Variants in POLI observed in about 807,000 individuals in gnomAD.
The protein encoded by POLI is RAD30 homolog B.
Under a neutral mutation model 51.6 loss-of-function variants are expected in POLI, and 58 were observed. The ratio of observed to expected loss-of-function variants is 1.12; its 90% CI spans 0.91 to 1.40. The LOEUF is 1.40. Among genes scored for constraint, POLI ranks in the 40% most tolerant of loss-of-function variants. POLI has a pLI of 0.00. For synonymous variants in POLI, 322 were observed against 299.7 expected, an observed-to-expected ratio of 1.07 and a Z score of -0.77; for missense variants, 921 against 871.3, an observed-to-expected ratio of 1.06 and a Z score of -0.72.
intron 3 of POLI, among the ~76,000 whole-genome samples, chr18:54,276,716 T>G (rs780187871): frequency 6.6e-6 from 1 of 152,222 alleles, no homozygotes; most frequent in Admixed American, 6.5e-5. Flanking sequence ...AGGAGTGATT[T>G]TTGGTGTTTG....
At chr18:54,311,132 C>T (rs1218606692) in intron 3 of POLI, 3 of 979,944 alleles carry the variant, frequency 3.1e-6, no homozygotes, top group African/African-American at 1.8e-5. Context: ...TGCCACCCTG[C>T]CACTTCTTCT....
intron 1 of POLI, 131 bp from the exon 2 acceptor site, chr18:54,271,229 C>T: frequency 1.5e-6 from 1 of 687,916 alleles, no homozygotes; most frequent in African/African-American, 1.9e-5. Flanking sequence ...TCGATGCTTT[C>T]ACACATAATC....
chr18:54,283,113 C>T (rs1262955521), intron 6 of POLI, 98 bp downstream of exon 6: 1 of 710,866 alleles, frequency 1.4e-6, no homozygotes, highest in Non-Finnish European at 2.2e-6. Context: ...TTCTAGTTTG[C>T]TTAGTATGTG....
chr18:54,290,216 A>G (rs2087940831), intron 8 of POLI, among the ~76,000 whole-genome samples: 1 of 152,256 alleles, frequency 6.6e-6, no homozygotes, highest in Non-Finnish European at 1.5e-5. Flanking sequence ...CTGCCAACAG[A>G]CATATGAAAA....
chr18:54,271,015 A>G lies in POLI; in HGVS notation c.116-345A>G, dbSNP rs562189895. On this transcript the variant is annotated intron_variant, in intron 1 of 9. Coordinates refer to ENST00000579534, the MANE Select transcript of POLI (RefSeq NM_007195.3). ...TTCAAGCTGTGTGAAAATCAACGTC[A>G]TTTCAACTTTTCTGCCCCTTCTGGT... The G allele has an allele frequency of 1.5e-4, 24 of 164,604 alleles. 1 individual carries two copies. The South Asian group carries it at 4.4e-3, about 30-fold the overall frequency. The allele number at this position is 164,604 out of a possible 1,614,324, so 10.2% of individuals were successfully genotyped here.
chr18:54,305,298 G>T (rs1225942050), intron 3 of POLI, among the ~76,000 whole-genome samples: 1 of 152,140 alleles, frequency 6.6e-6, no homozygotes, highest in Non-Finnish European at 1.5e-5. Flanking sequence ...ATTCTGTGAA[G>T]AAAGTCATTG....
intron 3 of POLI, among the ~76,000 whole-genome samples, chr18:54,307,631 G>T (rs896595608): frequency 2.6e-5 from 4 of 152,126 alleles, no homozygotes; most frequent in Non-Finnish European, 5.9e-5. Flanking sequence ...TCAAGTCCTG[G>T]ATATCCTTGT....
At chr18:54,318,785 G>A (rs772980448) in intron 3 of POLI, among the ~76,000 whole-genome samples, 1 of 152,060 alleles carries the variant, frequency 6.6e-6, no homozygotes, top group Non-Finnish European at 1.5e-5. Flanking sequence ...GCTAGGTGAG[G>A]CACCAGAGTC....
Position 54,284,018 on chromosome 18 carries a change from T to C in POLI, c.1067+5T>C. 1 of 1,255,746 alleles carries C rather than the reference T, an allele frequency of 8.0e-7. No homozygotes were observed. Among genetic ancestry groups the C allele is most frequent in the Non-Finnish European group, 1.1e-6 (1 of 877,792 alleles). The allele number at this position is 1,255,746 out of a possible 1,614,324, so 77.8% of individuals were successfully genotyped here. ...ACTTGCTAGTCTTTTAAACAGGTGA[T>C]TTTCAATCCATTTTGCCAAGTCATC... On this transcript the variant is annotated splice_donor_5th_base_variant and intron_variant, in intron 7 of 9. Coordinates refer to ENST00000579534, the MANE Select transcript of POLI (RefSeq NM_007195.3).
chr18:54,312,795 T>C (rs2088685531), intron 3 of POLI, among the ~76,000 whole-genome samples: 1 of 152,188 alleles, frequency 6.6e-6, no homozygotes. Context: ...CACTTTTTAA[T>C]GGGGTTATTT....
chr18:54,306,486 T>C (rs2088587734), intron 3 of POLI, among the ~76,000 whole-genome samples: 1 of 152,200 alleles, frequency 6.6e-6, no homozygotes. Context: ...CAGTATTTTA[T>C]TGAGGATTTT....
In POLI at chr18:54,296,037, A is replaced by G; in HGVS notation, c.*1570A>G. 1 of 985,042 alleles carries G rather than the reference A, an allele frequency of 1.0e-6. No homozygotes were observed. Among genetic ancestry groups the G allele is most frequent in the Non-Finnish European group, 1.2e-6 (1 of 829,556 alleles). 61.0% of individuals were successfully genotyped at this position (985,042 alleles called of 1,614,324 possible). On this transcript the variant is annotated 3_prime_UTR_variant, in exon 10 of 10. Transcript: ENST00000579534. ...GTTATCAGGAACAGTAACTTGAAGCAAGAACATCAGAAATTGTTCACCATG... is the reference window on the plus strand; with the variant it reads ...GTTATCAGGAACAGTAACTTGAAGCGAGAACATCAGAAATTGTTCACCATG...
chr18:54,299,713 G>C (rs960047404), downstream of POLI, among the ~76,000 whole-genome samples: 1 of 152,080 alleles, frequency 6.6e-6, no homozygotes, highest in Non-Finnish European at 1.5e-5. Flanking sequence ...AATATGTGAA[G>C]AAACAATGGA....
At chr18:54,319,314 C>G (rs2088768412) in intron 3 of POLI, among the ~76,000 whole-genome samples, 1 of 152,080 alleles carries the variant, frequency 6.6e-6, no homozygotes, top group South Asian at 2.1e-4. Context: ...ATGTTGCACT[C>G]CCCTCTATGG....
At chr18:54,289,789 A>G (rs1251315841) in intron 8 of POLI, among the ~76,000 whole-genome samples, 1 of 152,200 alleles carries the variant, frequency 6.6e-6, no homozygotes, top group African/African-American at 2.4e-5. Flanking sequence ...AGAAAGTTGA[A>G]ACTGGATCCC....
intron 3 of POLI, among the ~76,000 whole-genome samples, chr18:54,274,695 G>A (rs532362078): frequency 1.3e-5 from 2 of 152,178 alleles, no homozygotes; most frequent in South Asian, 4.1e-4. Context: ...AAATATAGTA[G>A]GTTGATGCAA....
chr18:54,299,210 G>A (rs2088447210), downstream of POLI, among the ~76,000 whole-genome samples: 1 of 152,158 alleles, frequency 6.6e-6, no homozygotes, highest in Non-Finnish European at 1.5e-5. Context: ...CGAGGCTGGT[G>A]GATTGCCTAA....
At chr18:54,270,474 G>T (rs1202566296) in intron 1 of POLI, 1 of 152,130 alleles carries the variant, frequency 6.6e-6, no homozygotes, top group Non-Finnish European at 1.5e-5. Flanking sequence ...TTAAATTTTG[G>T]AACTTTAGGT....
intron 9 of POLI, among the ~76,000 whole-genome samples, chr18:54,292,384 T>G (rs2088062071): frequency 6.6e-6 from 1 of 152,164 alleles, no homozygotes; most frequent in African/African-American, 2.4e-5. Context: ...TTTTTGTCTT[T>G]TAGCTGACAC....
Sources: allele counts gnomAD v4.1 joint callset (sites outside exome capture counted in the v4.1 genomes callset), GRCh38; gene constraint gnomAD v4.1.1; transcripts MANE v1.5; gene names NCBI Gene and HGNC (gene_info 2026-07-23, HGNC 2026-07-21).